NRG3: variants seen among roughly 807,000 people sequenced by gnomAD.
NRG3 encodes the protein neuregulin 3, also known as pro-neuregulin-3, membrane-bound isoform.
Under a neutral mutation model 66.9 loss-of-function variants are expected in NRG3, and 31 were observed. The observed-to-expected ratio is 0.46, with a 90% confidence interval of 0.35 to 0.63. NRG3 has a LOEUF of 0.63. Ranked by LOEUF, NRG3 falls within the 20% of genes least tolerant of loss-of-function variation. NRG3 has a pLI of 0.00. For missense variants in NRG3, 910 were observed against 878.9 expected, an observed-to-expected ratio of 1.04 and a Z score of -0.45; for synonymous variants, 393 against 359.4, an observed-to-expected ratio of 1.09 and a Z score of -1.06.
At chr10:81,885,354 A>T (rs768207788) in intron 1 of NRG3, among the ~76,000 whole-genome samples, 9 of 152,188 alleles carry the variant, frequency 5.9e-5, no homozygotes, top group Non-Finnish European at 1.2e-4. Context: ...TGACTCTACC[A>T]AATCAATGAT....
chr10:82,013,532 G>T (rs1396686396), intron 1 of NRG3, among the ~76,000 whole-genome samples: 2 of 152,098 alleles, frequency 1.3e-5, no homozygotes. Context: ...ATTTACATAT[G>T]AATTTTTAGT....
chr10:82,618,346 A>C (rs1280879231), intron 2 of NRG3, among the ~76,000 whole-genome samples: 1 of 152,008 alleles, frequency 6.6e-6, no homozygotes, highest in African/African-American at 2.4e-5. Context: ...TTATGCGGGG[A>C]GTTGGTCCAA....
intron 5 of NRG3, 99 bp downstream of exon 5, chr10:82,951,670 T>A: frequency 2.0e-6 from 2 of 980,610 alleles, no homozygotes; most frequent in Non-Finnish European, 3.2e-6. Context: ...AGGGAACCTG[T>A]GGAAATGGGT....
At chr10:82,522,597 G>A (rs2132555866) in intron 2 of NRG3, among the ~76,000 whole-genome samples, 1 of 152,068 alleles carries the variant, frequency 6.6e-6, no homozygotes, top group Middle Eastern at 3.4e-3. Flanking sequence ...TTTGCAAAAT[G>A]GCCACAGTAC....
At chr10:82,383,248 A>C (rs2085741647) in intron 2 of NRG3, among the ~76,000 whole-genome samples, 1 of 151,812 alleles carries the variant, frequency 6.6e-6, no homozygotes. Context: ...TGCATTGTAC[A>C]TTTATGTAAT....
intron 2 of NRG3, among the ~76,000 whole-genome samples, chr10:82,713,941 C>T (rs2056826496): frequency 6.6e-6 from 1 of 152,116 alleles, no homozygotes; most frequent in Admixed American, 6.5e-5. Flanking sequence ...GATGGATGCC[C>T]TGCTGTCCCA....
At chr10:82,002,340 T>C (rs1317912934) in intron 1 of NRG3, among the ~76,000 whole-genome samples, 1 of 152,228 alleles carries the variant, frequency 6.6e-6, no homozygotes, top group Non-Finnish European at 1.5e-5. Context: ...AATATTTGTC[T>C]TACCTTTGAT....
At chr10:82,182,096 G>A (rs1474736380) in intron 1 of NRG3, among the ~76,000 whole-genome samples, 3 of 150,006 alleles carry the variant, frequency 2.0e-5, no homozygotes, top group Non-Finnish European at 4.4e-5. Flanking sequence ...TTTTTGAATG[G>A]AACATGTTTT....
chr10:82,446,483 C>T (rs925940471), intron 2 of NRG3, among the ~76,000 whole-genome samples: 1 of 152,132 alleles, frequency 6.6e-6, no homozygotes. Flanking sequence ...ATGTCCTTTA[C>T]AAGGAGAGGG....
At chr10:82,975,219 C>G (rs896661402) in intron 7 of NRG3, among the ~76,000 whole-genome samples, 1 of 152,120 alleles carries the variant, frequency 6.6e-6, no homozygotes, top group Non-Finnish European at 1.5e-5. Context: ...CCAGTCTTTT[C>G]GAAGACAGAT....
intron 2 of NRG3, among the ~76,000 whole-genome samples, chr10:82,532,265 T>C (rs1016096022): frequency 4.0e-5 from 6 of 151,646 alleles, no homozygotes; most frequent in African/African-American, 1.4e-4. Context: ...TTTGTAACCA[T>C]TTTAGACACC....
chr10:82,676,865 C>G (rs1264244238), intron 2 of NRG3, among the ~76,000 whole-genome samples: 1 of 151,554 alleles, frequency 6.6e-6, no homozygotes, highest in Non-Finnish European at 1.5e-5. Flanking sequence ...TTTGGAGTTG[C>G]TTTTAAGGGG....
chr10:82,808,846 A>G (rs1161016697), intron 3 of NRG3, among the ~76,000 whole-genome samples: 1 of 152,222 alleles, frequency 6.6e-6, no homozygotes, highest in Non-Finnish European at 1.5e-5. Flanking sequence ...TTAAACCCAC[A>G]TATAAACACT....
At chr10:82,090,118 T>C (rs576357845) in intron 1 of NRG3, among the ~76,000 whole-genome samples, 1 of 152,340 alleles carries the variant, frequency 6.6e-6, no homozygotes, top group Non-Finnish European at 1.5e-5. Flanking sequence ...GTAACAGGCA[T>C]CTGCAGACTA....
At chr10:82,003,533 C>G (rs1300292561) in intron 1 of NRG3, among the ~76,000 whole-genome samples, 1 of 152,064 alleles carries the variant, frequency 6.6e-6, no homozygotes, top group Non-Finnish European at 1.5e-5. Flanking sequence ...GCTGGAAAAC[C>G]AGGAGACTGT....
intron 1 of NRG3, among the ~76,000 whole-genome samples, chr10:82,075,669 AT>A (rs1256878470): frequency 6.6e-6 from 1 of 151,948 alleles, no homozygotes; most frequent in Non-Finnish European, 1.5e-5. Context: ...ATGATTTTTT[AT>A]TTTCCTTATA....
intron 1 of NRG3, among the ~76,000 whole-genome samples, chr10:82,095,103 T>A (rs2066256195): frequency 6.6e-6 from 1 of 152,136 alleles, no homozygotes; most frequent in Admixed American, 6.5e-5. Flanking sequence ...CACATCCTAC[T>A]GTGTGAAATT....
chr10:82,352,395 C>A (rs1048844790), intron 1 of NRG3, among the ~76,000 whole-genome samples: 1 of 152,056 alleles, frequency 6.6e-6, no homozygotes, highest in Non-Finnish European at 1.5e-5. Flanking sequence ...GCCTCCCAGA[C>A]GTGTGTGTTA....
At chr10:82,562,668 A>G (rs1471064487) in intron 2 of NRG3, among the ~76,000 whole-genome samples, 1 of 152,042 alleles carries the variant, frequency 6.6e-6, no homozygotes, top group African/African-American at 2.4e-5. Flanking sequence ...ATATAGTAAA[A>G]GTTTTTTCTC....
Sources: allele counts gnomAD v4.1 joint callset (sites outside exome capture counted in the v4.1 genomes callset), GRCh38; gene constraint gnomAD v4.1.1; transcripts MANE v1.5; gene names NCBI Gene and HGNC (gene_info 2026-07-23, HGNC 2026-07-21).